Variants in KARS1 observed in about 807,000 individuals in gnomAD.
KARS1 encodes the protein lysine--tRNA ligase.
Under a neutral mutation model 63.9 loss-of-function variants are expected in KARS1, and 50 were observed. The ratio of observed to expected loss-of-function variants is 0.78; its 90% CI spans 0.62 to 0.99. KARS1 has a LOEUF of 0.99. Ranked by LOEUF, KARS1 falls within the 50% of genes least tolerant of loss-of-function variation. KARS1 has a pLI of 0.00. For synonymous variants in KARS1, 320 were observed against 264.6 expected, an observed-to-expected ratio of 1.21 and a Z score of -2.03; for missense variants, 816 against 754.5, an observed-to-expected ratio of 1.08 and a Z score of -0.95.
At position 75,645,618 on chromosome 16, in the gene KARS1, G is replaced by C. The variant is rs148939716; in HGVS notation, c.62+1960C>G. 4.0e-3 allele frequency among the ~76,000 whole-genome samples: 601 copies of C among 152,144 alleles called. 1 individual carries two copies. Among genetic ancestry groups the C allele is most frequent in the Middle Eastern group, 0.01 (3 of 294 alleles). On this transcript the variant is annotated intron_variant, in intron 1 of 13. Transcript: ENST00000302445. The stretch of plus-strand genomic sequence containing the variant: ...TCCTAGCGCTTTGTGGGGTTGAGGC[G>C]GACGGATCACCTGAGCTCAGCAGTT...
intron 2 of KARS1, 77 bp from the exon 3 acceptor site, chr16:75,640,426 A>C: frequency 3.6e-6 from 5 of 1,389,522 alleles, no homozygotes; most frequent in Non-Finnish European, 5.1e-6. Flanking sequence ...AGCAGAGGGC[A>C]GTATTCTGCC....
At chr16:75,636,306 G>C (rs1387882201) in intron 4 of KARS1, 148 bp downstream of exon 4, 6 of 763,288 alleles carry the variant, frequency 7.9e-6, no homozygotes, top group Non-Finnish European at 1.4e-5. Flanking sequence ...AGGTGACCAG[G>C]TGGCCACATT....
intron 1 of KARS1, 62 bp downstream of exon 1, chr16:75,647,516 C>T (rs1394951419): frequency 6.1e-6 from 9 of 1,482,556 alleles, no homozygotes; most frequent in Non-Finnish European, 7.5e-6. Context: ...GGGAACCTCG[C>T]GGCGCTTCCC....
At chr16:75,641,464 G>T (rs924025096) in intron 2 of KARS1, 100 bp downstream of exon 2, 2 of 991,760 alleles carry the variant, frequency 2.0e-6, no homozygotes, top group Non-Finnish European at 3.1e-6. Context: ...GTGACCTCAG[G>T]CGTACTGGTC....
chr16:75,639,269 A>T (rs1388614113), intron 3 of KARS1, among the ~76,000 whole-genome samples: 1 of 151,840 alleles, frequency 6.6e-6, no homozygotes, highest in African/African-American at 2.4e-5. Flanking sequence ...TAGAATAACT[A>T]ACATCAATAA....
At chr16:75,638,945 A>T (rs1222423089) in intron 3 of KARS1, among the ~76,000 whole-genome samples, 1 of 152,146 alleles carries the variant, frequency 6.6e-6, no homozygotes, top group Non-Finnish European at 1.5e-5. Context: ...TGGCAGGTGG[A>T]TCACCTGAGG....
intron 13 of KARS1, 85 bp downstream of exon 13, chr16:75,628,483 AT>A: frequency 1.3e-6 from 2 of 1,513,416 alleles, no homozygotes; most frequent in Non-Finnish European, 1.8e-6. Context: ...CCCTTCCTTA[AT>A]TTTATCCTCC....
chr16:75,637,787 A>G (rs2082178256), intron 3 of KARS1, among the ~76,000 whole-genome samples: 1 of 151,464 alleles, frequency 6.6e-6, no homozygotes, highest in Admixed American at 6.6e-5. Flanking sequence ...CTCAAAAAAA[A>G]AAAAAAAAAA....
chr16:75,636,063 T>C lies in KARS1; in HGVS notation c.518A>G (p.Asn173Ser). ...YKSEEEFIHI[N>S]NKLRRGDIIG... ...TATGTCTCCCCGACGCAGTTTGTTATTAATATGAATAAATTCTTCTTCTGA... is the reference window on the plus strand; with the variant it reads ...TATGTCTCCCCGACGCAGTTTGTTACTAATATGAATAAATTCTTCTTCTGA... Residue 173 changes from asparagine to serine, a missense_variant, in exon 5 of 14, where the codon AAT (asparagine) becomes AGT (serine). Coordinates refer to ENST00000302445, the MANE Select transcript of KARS1 (RefSeq NM_005548.3). The C allele has an allele frequency of 6.2e-7, 1 of 1,602,020 alleles. No homozygotes were observed. Among genetic ancestry groups the C allele is most frequent in the Non-Finnish European group, 8.6e-7 (1 of 1,169,048 alleles).
In KARS1 at chr16:75,631,464, TCTCAAG is replaced by T; in HGVS notation, c.1198_1203del (p.Leu400_Glu401del). ...TCTGGCAGCTTCATCCCCAGGGCTT[TCTCAAG>T]CTCTTCTACCATGTTGATTCGCCGG... On this transcript the variant is annotated inframe_deletion, in exon 9 of 14. Coordinates refer to ENST00000302445, the MANE Select transcript of KARS1 (RefSeq NM_005548.3). The T allele has an allele frequency of 6.2e-7, 1 of 1,614,212 alleles. No homozygotes were observed. The highest frequency in any genetic ancestry group is 1.7e-5 in the Admixed American group (1 of 60,036).
chr16:75,636,450 A>G lies in KARS1; in HGVS notation c.482+4T>C. The G allele has an allele frequency of 6.3e-7, 1 of 1,590,872 alleles. No homozygotes were observed. Among genetic ancestry groups the G allele is most frequent in the Non-Finnish European group, 8.6e-7 (1 of 1,158,840 alleles). On this transcript the variant is annotated splice_donor_region_variant and intron_variant, in intron 4 of 13. Coordinates refer to ENST00000302445, the MANE Select transcript of KARS1 (RefSeq NM_005548.3). ...AAGGTCTATAACTGGGTATTTCGAGATACCTGGAATTGGCCATGACTTGCA... is the reference window on the plus strand; with the variant it reads ...AAGGTCTATAACTGGGTATTTCGAGGTACCTGGAATTGGCCATGACTTGCA...
intron 6 of KARS1, among the ~76,000 whole-genome samples, chr16:75,635,030 G>A (rs1453226526): frequency 6.6e-6 from 1 of 152,200 alleles, no homozygotes; most frequent in Non-Finnish European, 1.5e-5. Flanking sequence ...GTATAAAGAT[G>A]CTTGTTGGAA....
chr16:75,635,178 C>T, intron 6 of KARS1: 1 of 176,018 alleles, frequency 5.7e-6, no homozygotes, highest in Non-Finnish European at 1.2e-5. Flanking sequence ...AATAAAACTC[C>T]TCCAAAATGT....
chr16:75,635,452 CA>C (rs760015012), intron 6 of KARS1: 12 of 536,590 alleles, frequency 2.2e-5, no homozygotes, highest in Non-Finnish European at 3.7e-5. Context: ...TTGAATGTGA[CA>C]TCATTAGCAT....
rs763960268 is a variant in KARS1, at chr16:75,631,159, C to A, written c.1338+9G>T. ...TGAGGACATGTACAAGAAGGCAGGG[C>A]CTTCTCACCTTGTCAAGGAGCCTGG... On this transcript the variant is annotated intron_variant, in intron 10 of 13. Coordinates refer to ENST00000302445, the MANE Select transcript of KARS1 (RefSeq NM_005548.3). The A allele has an allele frequency of 3.1e-6, 5 of 1,610,392 alleles. No individual in the cohort carries two copies. The highest frequency in any genetic ancestry group is 2.2e-5 in the East Asian group (1 of 44,828).
At chr16:75,637,384 G>C (rs112319505) in intron 3 of KARS1, among the ~76,000 whole-genome samples, 1 of 152,026 alleles carries the variant, frequency 6.6e-6, no homozygotes, top group Non-Finnish European at 1.5e-5. Context: ...GGTATCCTCT[G>C]GAAAATGTGA....
intron 1 of KARS1, among the ~76,000 whole-genome samples, chr16:75,645,311 G>A (rs2082268813): frequency 6.6e-6 from 1 of 152,244 alleles, no homozygotes; most frequent in Non-Finnish European, 1.5e-5. Context: ...GGACTGTGGA[G>A]TCACAGGCCT....
chr16:75,646,897 T>C (rs2233803), intron 1 of KARS1, among the ~76,000 whole-genome samples: 16,271 of 152,134 alleles, frequency 0.11, 1,669 homozygotes, highest in African/African-American at 0.27. Context: ...GTGGTTCAAA[T>C]GGGGAACGCT....
intron 10 of KARS1, 151 bp downstream of exon 10, chr16:75,631,017 T>C: frequency 1.4e-6 from 1 of 692,464 alleles, no homozygotes; most frequent in Non-Finnish European, 2.6e-6. Context: ...AGTATGACAG[T>C]TAAAAGTCTG....
Sources: gnomAD v4.1 joint callset for allele counts (sites outside exome capture counted in the v4.1 genomes callset) on GRCh38, gnomAD v4.1.1 for gene constraint, MANE v1.5 for transcripts, NCBI Gene and HGNC (gene_info 2026-07-23, HGNC 2026-07-21) for gene names.